Variants in URI1 observed in about 807,000 individuals in gnomAD.
The protein encoded by URI1 is URI1 prefoldin like chaperone, also known as unconventional prefoldin RPB5 interactor 1.
In URI1, 39 loss-of-function variants were observed where a neutral mutation model predicts 60.2. The ratio of observed to expected loss-of-function variants is 0.65; its 90% CI spans 0.50 to 0.85. The LOEUF (loss-of-function observed/expected upper bound fraction) is 0.85. Ranked by LOEUF, URI1 falls within the 40% of genes least tolerant of loss-of-function variation. URI1 has a pLI of 0.00. For missense variants in URI1, 691 were observed against 665.9 expected (o/e 1.04, Z -0.42); for synonymous variants, 251 against 236.8 (o/e 1.06, Z -0.55).
At chr19:29,959,826 C>T (rs1475037418) in intron 1 of URI1, among the ~76,000 whole-genome samples, 1 of 151,056 alleles carries the variant, frequency 6.6e-6, no homozygotes, top group East Asian at 1.9e-4. Flanking sequence ...TTTTCTAAGT[C>T]TGCTTTCTAC....
rs201682598 is a variant in URI1 at position 29,978,266 on chromosome 19, T to TA, written c.153-6949dup. Among the ~76,000 whole-genome samples the TA allele has an allele frequency of 3.9e-5, 6 of 152,100 alleles. No individual in the cohort carries two copies. In the East Asian group the frequency reaches 9.7e-4, roughly 25 times the overall value. On this transcript the variant is annotated intron_variant, in intron 2 of 10. Transcript: ENST00000392271. ...CCCCTGAAGAGTTTTAAACTATTAT[T>TA]AAAAAAAATCCCTAATCACATTTCA...
At chr19:29,951,134 T>C (rs2055174633) in intron 1 of URI1, among the ~76,000 whole-genome samples, 2 of 152,176 alleles carry the variant, frequency 1.3e-5, no homozygotes, top group Admixed American at 6.5e-5. Flanking sequence ...ACATAGATGA[T>C]GATGACTTTC....
chr19:29,971,420 T>C (rs1383422088), intron 2 of URI1, among the ~76,000 whole-genome samples, 193 bp downstream of exon 2: 4 of 152,088 alleles, frequency 2.6e-5, no homozygotes, highest in Non-Finnish European at 5.9e-5. Flanking sequence ...TACACATTTC[T>C]GATTTCCTGA....
intron 1 of URI1, among the ~76,000 whole-genome samples, chr19:29,930,544 T>C (rs2054907610): frequency 6.6e-6 from 1 of 152,124 alleles, no homozygotes; most frequent in African/African-American, 2.4e-5. Context: ...ATATTCTTCT[T>C]ATGTAAGGCA....
chr19:30,011,033 T>G, intron 8 of URI1, 61 bp from the exon 9 acceptor site: 1 of 1,549,422 alleles, frequency 6.5e-7, no homozygotes, highest in Non-Finnish European at 8.7e-7. Context: ...GTTTATTTGT[T>G]TTGGTTTCAC....
intron 1 of URI1, among the ~76,000 whole-genome samples, chr19:29,970,093 G>A (rs1464353497): frequency 6.7e-6 from 1 of 148,572 alleles, no homozygotes; most frequent in Non-Finnish European, 1.5e-5. Context: ...TTACAATAGA[G>A]GAATTTAGTG....
rs1366202676 is a variant in URI1 at position 29,972,593 on chromosome 19, ATTC to A, written c.152+1369_152+1371del. On this transcript the variant is annotated intron_variant, in intron 2 of 10. Coordinates refer to ENST00000392271, the MANE Select transcript of URI1 (RefSeq NM_003796.3). ...ACTTGCTTCTGGTTTGTTTTATAAG[ATTC>A]TTATTAGAGTTCTTTAAGGATAAGG... Among the ~76,000 whole-genome samples the A allele has an allele frequency of 2.0e-5, 3 of 152,090 alleles. No homozygotes were observed. In the East Asian group the frequency reaches 5.8e-4, roughly 29 times the overall value.
chr19:29,960,412 C>CT (rs1218524011), intron 1 of URI1, among the ~76,000 whole-genome samples: 1 of 149,332 alleles, frequency 6.7e-6, no homozygotes, highest in Admixed American at 6.9e-5. Context: ...ATTTTTCTCT[C>CT]TTTTTTTAAC....
upstream of URI1, chr19:29,942,145 A>C (rs1215880413): frequency 5.4e-6 from 5 of 926,352 alleles, no homozygotes; most frequent in Middle Eastern, 5.6e-4. Context: ...GGTTCGCATC[A>C]AGCGCACTCC....
chr19:29,989,259 C>T (rs937516303), intron 4 of URI1, among the ~76,000 whole-genome samples: 2 of 150,666 alleles, frequency 1.3e-5, no homozygotes, highest in African/African-American at 2.4e-5. Context: ...TACAGACATG[C>T]GCCACCATGC....
chr19:29,944,140 CAT>C (rs56329506), intron 1 of URI1, among the ~76,000 whole-genome samples: 270 of 36,886 alleles, frequency 7.3e-3, no homozygotes, highest in Non-Finnish European at 0.013. Flanking sequence ...CCCTGTCATT[CAT>C]ATATATATAT....
intron 1 of URI1, among the ~76,000 whole-genome samples, chr19:29,937,181 G>A (rs994708529): frequency 9.7e-4 from 147 of 152,230 alleles, no homozygotes; most frequent in African/African-American, 3.4e-3. Flanking sequence ...GAATTTCTAA[G>A]TTCAAGCTAT....
At chr19:29,969,042 A>G (rs1273662194) in intron 1 of URI1, among the ~76,000 whole-genome samples, 1 of 152,154 alleles carries the variant, frequency 6.6e-6, no homozygotes, top group Admixed American at 6.5e-5. Flanking sequence ...AGGCTAGTCT[A>G]TATATTTTTA....
chr19:29,944,251 A>G (rs1474625399), intron 1 of URI1, among the ~76,000 whole-genome samples: 1 of 140,646 alleles, frequency 7.1e-6, no homozygotes, highest in East Asian at 2.1e-4. Flanking sequence ...TTTTTAAAAG[A>G]GAAAGATAGA....
chr19:30,014,593 G>A (rs2056062176), intron 10 of URI1, among the ~76,000 whole-genome samples: 2 of 152,158 alleles, frequency 1.3e-5, no homozygotes, highest in Admixed American at 6.6e-5. Context: ...TGGAATGTAT[G>A]AAAGTTTGAA....
At chr19:29,955,954 C>T (rs2055241220) in intron 1 of URI1, among the ~76,000 whole-genome samples, 1 of 151,780 alleles carries the variant, frequency 6.6e-6, no homozygotes, top group Non-Finnish European at 1.5e-5. Context: ...CCACTTTGTT[C>T]CTCTTCTGTC....
chr19:29,967,316 T>C (rs1034189963), intron 1 of URI1, among the ~76,000 whole-genome samples: 1 of 152,232 alleles, frequency 6.6e-6, no homozygotes, highest in Non-Finnish European at 1.5e-5. Context: ...TGTCCATCAT[T>C]GTCCTTCTAG....
At chr19:29,996,391 A>G (rs183916728) in intron 4 of URI1, among the ~76,000 whole-genome samples, 3 of 152,104 alleles carry the variant, frequency 2.0e-5, no homozygotes, top group African/African-American at 7.2e-5. Flanking sequence ...GCTCATTGTT[A>G]GTGCATAGAA....
intron 9 of URI1, 117 bp downstream of exon 9, chr19:30,011,353 G>C (rs1226526662): frequency 3.1e-6 from 4 of 1,310,682 alleles, no homozygotes; most frequent in Non-Finnish European, 4.0e-6. Flanking sequence ...AAAGTGAAGT[G>C]TTCTGAGGAG....
Sources: gnomAD v4.1 joint callset for allele counts (sites outside exome capture counted in the v4.1 genomes callset) on GRCh38, gnomAD v4.1.1 for gene constraint, MANE v1.5 for transcripts, NCBI Gene and HGNC (gene_info 2026-07-23, HGNC 2026-07-21) for gene names.